The following HCRTR2 variants were observed in gnomAD, a reference collection of about 807,000 sequenced individuals.
The protein encoded by HCRTR2 is orexin receptor type 2.
In HCRTR2, 22 loss-of-function variants were observed where a neutral mutation model predicts 49.0. That is an observed-to-expected ratio of 0.45 (90% CI 0.32 to 0.64). The LOEUF is 0.64. Among genes scored for constraint, HCRTR2 ranks in the 30% least tolerant of loss-of-function variants. The pLI is 0.04. For synonymous variants in HCRTR2, 236 were observed against 205.3 expected, an observed-to-expected ratio of 1.15 and a Z score of -1.28; for missense variants, 491 against 559.4, an observed-to-expected ratio of 0.88 and a Z score of 1.23.
intron 1 of HCRTR2, among the ~76,000 whole-genome samples, chr6:55,107,220 G>A (rs768572493): frequency 2.0e-5 from 3 of 151,832 alleles, no homozygotes; most frequent in Non-Finnish European, 4.4e-5. Flanking sequence ...AAGTCTTATA[G>A]CATTATCTTT....
intron 1 of HCRTR2, among the ~76,000 whole-genome samples, chr6:55,112,690 C>G (rs964143491): frequency 6.6e-6 from 1 of 151,926 alleles, no homozygotes; most frequent in Non-Finnish European, 1.5e-5. Flanking sequence ...TATGTAAACT[C>G]AATTTTGTGA....
intron 1 of HCRTR2, among the ~76,000 whole-genome samples, chr6:55,146,590 A>AAC (rs1180849387): frequency 1.3e-5 from 2 of 149,224 alleles, no homozygotes; most frequent in Non-Finnish European, 3.0e-5. Flanking sequence ...AAAAAAAAAA[A>AAC]AACAAGCTTT....
At chr6:55,227,638 GT>G (rs1451707861) in intron 1 of HCRTR2, among the ~76,000 whole-genome samples, 2 of 152,136 alleles carry the variant, frequency 1.3e-5, no homozygotes, top group Admixed American at 6.5e-5. Context: ...CATGAAAACT[GT>G]ATCAGTCTGA....
chr6:55,198,886 G>C (rs370614826), intron 1 of HCRTR2, among the ~76,000 whole-genome samples: 2 of 152,158 alleles, frequency 1.3e-5, no homozygotes, highest in Admixed American at 1.3e-4. Context: ...CCTCCCTGTT[G>C]GATTCATTGT....
At chr6:55,191,870 T>G (rs76304987) in intron 1 of HCRTR2, among the ~76,000 whole-genome samples, 1 of 152,168 alleles carries the variant, frequency 6.6e-6, no homozygotes, top group African/African-American at 2.4e-5. Flanking sequence ...TGCAGACATA[T>G]GGTTACCTAT....
chr6:55,121,460 C>A (rs1581782458), intron 1 of HCRTR2, among the ~76,000 whole-genome samples: 1 of 152,064 alleles, frequency 6.6e-6, no homozygotes, highest in African/African-American at 2.4e-5. Flanking sequence ...ACTGAATATG[C>A]TTTATTTCTT....
chr6:55,109,742 G>C (rs1156309285), intron 1 of HCRTR2, among the ~76,000 whole-genome samples: 1 of 152,028 alleles, frequency 6.6e-6, no homozygotes, highest in African/African-American at 2.4e-5. Context: ...CCAAACCTAA[G>C]AATAATTGGT....
chr6:55,138,987 G>A (rs1356840566), intron 1 of HCRTR2, among the ~76,000 whole-genome samples: 1 of 152,164 alleles, frequency 6.6e-6, no homozygotes, highest in Non-Finnish European at 1.5e-5. Context: ...GTAGTAAGCA[G>A]AGACCTAAAT....
chr6:55,214,523 T>C (rs1765754702), intron 1 of HCRTR2, among the ~76,000 whole-genome samples: 1 of 151,904 alleles, frequency 6.6e-6, no homozygotes, highest in African/African-American at 2.4e-5. Flanking sequence ...TTTTTTTTCG[T>C]AGAGATGTGG....
chr6:55,156,827 A>T (rs1010588777), intron 1 of HCRTR2, among the ~76,000 whole-genome samples: 7 of 152,108 alleles, frequency 4.6e-5, no homozygotes, highest in Non-Finnish European at 8.8e-5. Context: ...AAATGACAAG[A>T]TCCAACATGT....
intron 1 of HCRTR2, among the ~76,000 whole-genome samples, chr6:55,117,059 A>T (rs1764128120): frequency 6.6e-6 from 1 of 151,850 alleles, no homozygotes. Flanking sequence ...ATCAAATAAC[A>T]ATTGCATTAA....
At chr6:55,239,848 G>A (rs1766288727) in intron 1 of HCRTR2, among the ~76,000 whole-genome samples, 1 of 149,248 alleles carries the variant, frequency 6.7e-6, no homozygotes, top group Non-Finnish European at 1.5e-5. Context: ...CACGATCTCG[G>A]CTCACTGCAA....
chr6:55,247,969 T>C (rs1766477811), intron 1 of HCRTR2, among the ~76,000 whole-genome samples: 1 of 152,108 alleles, frequency 6.6e-6, no homozygotes, highest in Admixed American at 6.6e-5. Context: ...AGCCAAGTTA[T>C]AGCTGTAGTT....
At chr6:55,128,667 T>C (rs1419107971) in intron 1 of HCRTR2, among the ~76,000 whole-genome samples, 1 of 152,180 alleles carries the variant, frequency 6.6e-6, no homozygotes, top group Non-Finnish European at 1.5e-5. Flanking sequence ...AAATATTTTA[T>C]TTTTTGTGTG....
At chr6:55,145,401 T>TTTG (rs1764565807) in intron 1 of HCRTR2, among the ~76,000 whole-genome samples, 1 of 83,452 alleles carries the variant, frequency 1.2e-5, no homozygotes, top group African/African-American at 4.2e-5. Context: ...TTGTTTTTTT[T>TTTG]TTTGTTTTTT....
chr6:55,195,175 T>G (rs1765387691), intron 1 of HCRTR2, among the ~76,000 whole-genome samples: 1 of 151,792 alleles, frequency 6.6e-6, no homozygotes, highest in Non-Finnish European at 1.5e-5. Flanking sequence ...GAAGATAAAA[T>G]GAAAAATCAA....
intron 1 of HCRTR2, among the ~76,000 whole-genome samples, chr6:55,213,198 G>A (rs1765726727): frequency 6.6e-6 from 1 of 152,126 alleles, no homozygotes; most frequent in African/African-American, 2.4e-5. Flanking sequence ...GAAAGGTAGA[G>A]TGGAATGAAA....
chr6:55,122,987 G>A (rs991833288), intron 1 of HCRTR2, among the ~76,000 whole-genome samples: 1 of 138,484 alleles, frequency 7.2e-6, no homozygotes, highest in African/African-American at 2.6e-5. Context: ...GGAGGGGGAA[G>A]GGATAGCATT....
intron 1 of HCRTR2, among the ~76,000 whole-genome samples, chr6:55,137,410 G>T (rs536055839): frequency 6.6e-6 from 1 of 152,110 alleles, no homozygotes; most frequent in African/African-American, 2.4e-5. Flanking sequence ...CTAACTGAAT[G>T]TCAAAAAAGA....
Sources: allele counts gnomAD v4.1 joint callset (sites outside exome capture counted in the v4.1 genomes callset), GRCh38; gene constraint gnomAD v4.1.1; transcripts MANE v1.5; gene names NCBI Gene and HGNC (gene_info 2026-07-23, HGNC 2026-07-21).